The following ADAMTSL1 variants were observed in gnomAD, a reference collection of about 807,000 sequenced individuals.
The protein encoded by ADAMTSL1 is ADAMTS like 1, also known as ADAMTS-like protein 1.
In ADAMTSL1, 126 loss-of-function variants were observed where a neutral mutation model predicts 201.8. The ratio of observed to expected loss-of-function variants is 0.62; its 90% CI spans 0.54 to 0.72. ADAMTSL1 has a LOEUF of 0.72. ADAMTSL1 is among the 30% of genes least tolerant of loss of function. ADAMTSL1 has a pLI of 0.00. For synonymous variants in ADAMTSL1, 1,121 were observed against 903.4 expected, an observed-to-expected ratio of 1.24 and a Z score of -4.32; for missense variants, 2,679 against 2,277.8, an observed-to-expected ratio of 1.18 and a Z score of -3.59.
rs868836005 is a variant in ADAMTSL1, at chr9:18,015,593, G to A, written c.87+108671G>A. On this transcript the variant is annotated intron_variant, in intron 1 of 29. Transcript: ENST00000680146. ...GAGTCTTGCTATGACCTAGTCAGGT[G>A]GGTATTCTTCCCATTTTACAGTTGA... 3.7e-4 allele frequency among the ~76,000 whole-genome samples: 56 copies of A among 152,096 alleles called. No homozygotes were observed. The Middle Eastern group carries it at 0.017, about 46-fold the overall frequency.
intron 3 of ADAMTSL1, among the ~76,000 whole-genome samples, chr9:18,566,074 G>A (rs909745137): frequency 2.3e-4 from 35 of 152,204 alleles, no homozygotes; most frequent in Middle Eastern, 3.4e-3. Context: ...TCAGAAACTA[G>A]GCAAGACTCC....
intron 1 of ADAMTSL1, among the ~76,000 whole-genome samples, chr9:18,076,282 G>C (rs181844538): frequency 6.6e-6 from 1 of 152,170 alleles, no homozygotes; most frequent in Non-Finnish European, 1.5e-5. Flanking sequence ...CTGTGCTACC[G>C]GATTAATACA....
intron 1 of ADAMTSL1, among the ~76,000 whole-genome samples, chr9:17,937,709 A>G (rs1827075048): frequency 7.7e-6 from 1 of 129,784 alleles, no homozygotes; most frequent in Admixed American, 8.0e-5. Flanking sequence ...GCCATATATT[A>G]TGTTTCCTCA....
At chr9:18,559,350 A>G (rs563916348) in intron 3 of ADAMTSL1, among the ~76,000 whole-genome samples, 67 of 152,092 alleles carry the variant, frequency 4.4e-4, no homozygotes, top group African/African-American at 1.5e-3. Context: ...GCCTCTGTTC[A>G]GTTCCATTGG....
At chr9:18,626,960 T>C (rs1826426006) in intron 5 of ADAMTSL1, among the ~76,000 whole-genome samples, 2 of 150,674 alleles carry the variant, frequency 1.3e-5, no homozygotes, top group African/African-American at 4.9e-5. Context: ...TCTTTTCTTT[T>C]CTTTTTCTTT....
intron 2 of ADAMTSL1, among the ~76,000 whole-genome samples, chr9:18,193,471 C>G (rs184388934): frequency 1.3e-5 from 2 of 152,192 alleles, no homozygotes; most frequent in South Asian, 2.1e-4. Context: ...TTGGAAGAAG[C>G]CTTTCTCTCC....
chr9:18,387,316 G>A (rs111759745), intron 2 of ADAMTSL1, among the ~76,000 whole-genome samples: 2 of 152,006 alleles, frequency 1.3e-5, no homozygotes, highest in African/African-American at 4.8e-5. Context: ...CAGTCTTACA[G>A]ACATATAGTA....
chr9:18,870,704 C>G (rs1827830463), intron 23 of ADAMTSL1, among the ~76,000 whole-genome samples: 1 of 152,008 alleles, frequency 6.6e-6, no homozygotes, highest in African/African-American at 2.4e-5. Flanking sequence ...ATACCTGTTG[C>G]AATTGCCAGG....
chr9:18,590,801 A>G (rs1292268170), intron 4 of ADAMTSL1, among the ~76,000 whole-genome samples: 1 of 151,950 alleles, frequency 6.6e-6, no homozygotes, highest in Non-Finnish European at 1.5e-5. Flanking sequence ...TTTAATTTCC[A>G]TGTATTTGTA....
intron 4 of ADAMTSL1, among the ~76,000 whole-genome samples, chr9:18,619,228 T>C (rs1564093567): frequency 6.6e-6 from 1 of 152,222 alleles, no homozygotes; most frequent in Non-Finnish European, 1.5e-5. Context: ...ATTAATCTAA[T>C]AGTTACTCAA....
In ADAMTSL1 at chr9:18,310,399, A is replaced by AAAAAAAAAAAAAAAAAAAAC. The variant is rs1440483712; in HGVS notation, c.207+146418_207+146419insAAAAAAAAAAAAAAAAAAAC. Among the ~76,000 whole-genome samples, 25 of 127,322 alleles carry AAAAAAAAAAAAAAAAAAAAC rather than the reference A, an allele frequency of 2.0e-4. 1 individual carries two copies. The highest frequency in any genetic ancestry group is 4.1e-4 in the Admixed American group (5 of 12,186). The allele number at this position is 127,322 out of a possible 152,430, so 83.5% of individuals were successfully genotyped here. A position where few individuals can be genotyped will look rare whatever the true frequency, so the allele number is the denominator to read the frequency against. The stretch of plus-strand genomic sequence containing the variant: ...AAAAAAAAAAAAAAAAAAAAAAAAA[A>AAAAAAAAAAAAAAAAAAAAC]CTATCTTCAGAGTGAACAGGCAACC... On this transcript the variant is annotated intron_variant, in intron 2 of 29. Coordinates refer to the ADAMTSL1 transcript ENST00000680146.
Position 18,828,025 on chromosome 9 carries a change from A to C in ADAMTSL1, c.4114+1562A>C, listed in dbSNP as rs77285124. On this transcript the variant is annotated intron_variant, in intron 22 of 28. Coordinates refer to ENST00000380548, the MANE Select transcript of ADAMTSL1 (RefSeq NM_001040272.6). ...ATTTTGTGGATGAAACTGAGATTTC[A>C]CCCCAAGTTCCGTGACTTAACCTGT... Among the ~76,000 whole-genome samples the C allele has an allele frequency of 5.1e-4, 78 of 152,292 alleles. 1 individual carries two copies. In the East Asian group the frequency reaches 0.014, roughly 28 times the overall value.
chr9:18,767,401 G>A (rs927004941), intron 16 of ADAMTSL1, among the ~76,000 whole-genome samples: 4 of 152,130 alleles, frequency 2.6e-5, no homozygotes, highest in Non-Finnish European at 5.9e-5. Flanking sequence ...AGTAATCCAC[G>A]TGGTTAGTTG....
Position 18,401,531 on chromosome 9 carries a change from T to G in ADAMTSL1, c.208-103298T>G, listed in dbSNP as rs189708548. 2.6e-5 allele frequency among the ~76,000 whole-genome samples: 4 copies of G among 152,344 alleles called. No individual in the cohort carries two copies. The East Asian group carries it at 7.7e-4, about 29-fold the overall frequency. The stretch of plus-strand genomic sequence containing the variant: ...TAGAGGGACAGTATCTGAAGAGGCC[T>G]TCTCTGAAGCATCACCAAATTTTAA... On this transcript the variant is annotated intron_variant, in intron 2 of 29. Coordinates refer to the ADAMTSL1 transcript ENST00000680146.
At chr9:18,673,320 C>T (rs1210538196) in intron 9 of ADAMTSL1, among the ~76,000 whole-genome samples, 1 of 152,150 alleles carries the variant, frequency 6.6e-6, no homozygotes, top group African/African-American at 2.4e-5. Flanking sequence ...AGGCTAGGGC[C>T]ATGGCATGAA....
chr9:18,737,934 T>G (rs1052202882), intron 15 of ADAMTSL1, among the ~76,000 whole-genome samples: 1 of 152,234 alleles, frequency 6.6e-6, no homozygotes, highest in Non-Finnish European at 1.5e-5. Context: ...CCACTTACTG[T>G]GTCCTTGAGC....
intron 2 of ADAMTSL1, among the ~76,000 whole-genome samples, chr9:18,180,224 T>C (rs1828394064): frequency 6.6e-6 from 1 of 152,050 alleles, no homozygotes; most frequent in South Asian, 2.1e-4. Context: ...GGGGTTGCAA[T>C]CCTAGTCTCC....
intron 2 of ADAMTSL1, among the ~76,000 whole-genome samples, chr9:18,297,602 T>G (rs1441981441): frequency 6.6e-6 from 1 of 152,228 alleles, no homozygotes; most frequent in Non-Finnish European, 1.5e-5. Context: ...ATGTGCTTAA[T>G]ATGCATCCCT....
At chr9:18,640,560 T>C (rs970335139) in intron 7 of ADAMTSL1, among the ~76,000 whole-genome samples, 10 of 152,064 alleles carry the variant, frequency 6.6e-5, no homozygotes, top group African/African-American at 2.2e-4. Context: ...TCTATCCAGT[T>C]GCCTTCTGCA....
Sources: gnomAD v4.1 joint callset for allele counts (sites outside exome capture counted in the v4.1 genomes callset) on GRCh38, gnomAD v4.1.1 for gene constraint, MANE v1.5 for transcripts, NCBI Gene and HGNC (gene_info 2026-07-23, HGNC 2026-07-21) for gene names.